NXPH1: variants seen among roughly 807,000 people sequenced by gnomAD.
The protein encoded by NXPH1 is neurexophilin 1.
A neutral mutation model predicts 23.7 loss-of-function variants in NXPH1; 5 were observed. The observed-to-expected ratio is 0.21, with a 90% CI of 0.11 to 0.44. The LOEUF (loss-of-function observed/expected upper bound fraction) is 0.44. NXPH1 is among the 20% of genes least tolerant of loss of function. The pLI is 0.99. For synonymous variants in NXPH1, 144 were observed against 122.2 expected (o/e 1.18, Z -1.18); for missense variants, 324 against 321.6 (o/e 1.01, Z -0.06).
intron 2 of NXPH1, among the ~76,000 whole-genome samples, chr7:8,647,698 C>A (rs955642863): frequency 2.0e-5 from 3 of 150,790 alleles, no homozygotes; most frequent in Non-Finnish European, 2.9e-5. Flanking sequence ...ATATCCTACT[C>A]TAGTAGAAAT....
intron 2 of NXPH1, among the ~76,000 whole-genome samples, chr7:8,642,322 G>T (rs1468889932): frequency 6.6e-6 from 1 of 152,184 alleles, no homozygotes; most frequent in Non-Finnish European, 1.5e-5. Flanking sequence ...CAATGTTGCT[G>T]TAAAAAGGTC....
At chr7:8,548,789 T>A (rs1417194019) in intron 2 of NXPH1, among the ~76,000 whole-genome samples, 3 of 151,488 alleles carry the variant, frequency 2.0e-5, no homozygotes, top group Non-Finnish European at 3.0e-5. Flanking sequence ...GTTTTGAGGA[T>A]TGAATGAATT....
At chr7:8,553,143 C>T (rs1818304934) in intron 2 of NXPH1, among the ~76,000 whole-genome samples, 1 of 151,410 alleles carries the variant, frequency 6.6e-6, no homozygotes, top group Non-Finnish European at 1.5e-5. Flanking sequence ...TGCAGATTCT[C>T]TTTGGCTGAA....
chr7:8,675,459 T>C (rs1165170602), intron 2 of NXPH1, among the ~76,000 whole-genome samples: 4 of 152,156 alleles, frequency 2.6e-5, no homozygotes, highest in Admixed American at 1.3e-4. Flanking sequence ...TTTCCTCACA[T>C]TCTTGCTTTT....
chr7:8,453,580 G>T (rs531355652), intron 2 of NXPH1, among the ~76,000 whole-genome samples: 11 of 152,086 alleles, frequency 7.2e-5, no homozygotes, highest in Non-Finnish European at 1.6e-4. Flanking sequence ...TGCCTTAGAG[G>T]AATATTGTGT....
intron 2 of NXPH1, among the ~76,000 whole-genome samples, chr7:8,523,838 A>G (rs1388621378): frequency 6.6e-6 from 1 of 152,172 alleles, no homozygotes; most frequent in African/African-American, 2.4e-5. Context: ...GGGTCTGGAC[A>G]TGATTGCTGT....
chr7:8,578,748 G>T (rs1818801305), intron 2 of NXPH1, among the ~76,000 whole-genome samples: 2 of 152,140 alleles, frequency 1.3e-5, no homozygotes, highest in African/African-American at 4.8e-5. Flanking sequence ...CAAGGATCAG[G>T]CATAAGTTGC....
At chr7:8,546,054 A>T (rs775401728) in intron 2 of NXPH1, among the ~76,000 whole-genome samples, 1 of 151,582 alleles carries the variant, frequency 6.6e-6, no homozygotes, top group Admixed American at 6.6e-5. Context: ...TAATTAAAAT[A>T]TCAATAATTA....
intron 2 of NXPH1, among the ~76,000 whole-genome samples, chr7:8,571,641 C>G (rs1283961666): frequency 1.3e-5 from 2 of 151,898 alleles, no homozygotes; most frequent in Non-Finnish European, 2.9e-5. Context: ...AGAACAAGGA[C>G]AAATTAGAAT....
At chr7:8,593,493 G>T (rs1166437162) in intron 2 of NXPH1, among the ~76,000 whole-genome samples, 1 of 151,952 alleles carries the variant, frequency 6.6e-6, no homozygotes, top group Admixed American at 6.6e-5. Context: ...TTCCCTTGTG[G>T]AATAAATTGC....
chr7:8,729,103 C>T (rs1019204249), intron 2 of NXPH1, among the ~76,000 whole-genome samples: 14 of 152,100 alleles, frequency 9.2e-5, no homozygotes, highest in African/African-American at 2.7e-4. Flanking sequence ...TCCATTTCTT[C>T]TAGATTTTCT....
intron 2 of NXPH1, among the ~76,000 whole-genome samples, chr7:8,692,463 A>G (rs770435596): frequency 2.6e-5 from 4 of 152,294 alleles, no homozygotes; most frequent in South Asian, 2.1e-4. Context: ...GTCTATAGGA[A>G]TATAATAGTT....
chr7:8,617,458 G>A (rs1819769256), intron 2 of NXPH1, among the ~76,000 whole-genome samples: 1 of 152,024 alleles, frequency 6.6e-6, no homozygotes, highest in Non-Finnish European at 1.5e-5. Context: ...TATATACAAT[G>A]GAGTACTATT....
chr7:8,563,107 C>A (rs915251161), intron 2 of NXPH1, among the ~76,000 whole-genome samples: 2 of 151,716 alleles, frequency 1.3e-5, no homozygotes, highest in African/African-American at 4.8e-5. Flanking sequence ...ACTTCCAAAT[C>A]TGTAACAGAA....
intron 2 of NXPH1, among the ~76,000 whole-genome samples, chr7:8,731,162 T>A (rs1473176824): frequency 6.6e-6 from 1 of 152,102 alleles, no homozygotes; most frequent in Non-Finnish European, 1.5e-5. Context: ...ATTCTTCATG[T>A]AGTTCTCGAG....
At chr7:8,670,786 T>C (rs1250878365) in intron 2 of NXPH1, among the ~76,000 whole-genome samples, 1 of 152,262 alleles carries the variant, frequency 6.6e-6, no homozygotes, top group Non-Finnish European at 1.5e-5. Flanking sequence ...TCTTTTTCTA[T>C]GTAGAGGGTT....
chr7:8,455,113 C>T (rs572083173), intron 2 of NXPH1, among the ~76,000 whole-genome samples: 7 of 152,140 alleles, frequency 4.6e-5, no homozygotes, highest in South Asian at 2.1e-4. Flanking sequence ...ACCTTGCAAT[C>T]GTATGCCACG....
intron 2 of NXPH1, among the ~76,000 whole-genome samples, chr7:8,490,537 G>A (rs1200761663): frequency 6.6e-6 from 1 of 151,936 alleles, no homozygotes; most frequent in Non-Finnish European, 1.5e-5. Flanking sequence ...TCTGAGTGAA[G>A]GAATGTGGAA....
chr7:8,657,576 CA>C (rs1283878472), intron 2 of NXPH1, among the ~76,000 whole-genome samples: 3 of 152,138 alleles, frequency 2.0e-5, no homozygotes, highest in African/African-American at 7.2e-5. Context: ...GGGCTCATGG[CA>C]GCTGAAAGGG....
Sources: gnomAD v4.1 joint callset for allele counts (sites outside exome capture counted in the v4.1 genomes callset) on GRCh38, gnomAD v4.1.1 for gene constraint, MANE v1.5 for transcripts, NCBI Gene and HGNC (gene_info 2026-07-23, HGNC 2026-07-21) for gene names.